Variants in MRPS25 observed in about 807,000 individuals in gnomAD.
MRPS25 encodes small ribosomal subunit protein mS25.
A neutral mutation model predicts 17.3 loss-of-function variants in MRPS25; 15 were observed. The observed-to-expected ratio is 0.87, with a 90% CI of 0.58 to 1.34. The LOEUF (loss-of-function observed/expected upper bound fraction) is 1.34, where lower values mean the gene tolerates loss of function less well. MRPS25 is among the 40% of genes most tolerant of loss of function. MRPS25 has a pLI of 0.00. For missense variants in MRPS25, 225 were observed against 218.6 expected, an observed-to-expected ratio of 1.03 and a Z score of -0.19; for synonymous variants, 94 against 83.3, an observed-to-expected ratio of 1.13 and a Z score of -0.70.
downstream of MRPS25, chr3:15,045,068 T>C (rs2042403483): frequency 6.6e-6 from 1 of 152,210 alleles, no homozygotes; most frequent in African/African-American, 2.4e-5. Context: ...AGTTTCAAAA[T>C]TAAGACAAAA....
chr3:15,065,226 G>A lies in MRPS25; in HGVS notation c.-32C>T. Reference sequence around the variant, plus strand: ...AACGGTGGCGGGGCCGACCCCACGGGCCGCGAGCCGAGCAGCGACGAGAAA... The same window carrying A: ...AACGGTGGCGGGGCCGACCCCACGGACCGCGAGCCGAGCAGCGACGAGAAA... On this transcript the variant is annotated 5_prime_UTR_variant, in exon 1 of 4. Transcript: ENST00000253686. 1 of 1,554,644 alleles carries A rather than the reference G, an allele frequency of 6.4e-7. No homozygotes were observed. Among genetic ancestry groups the A allele is most frequent in the Admixed American group, 1.9e-5 (1 of 51,992 alleles).
At chr3:15,057,263 C>T (rs910670103) in intron 2 of MRPS25, among the ~76,000 whole-genome samples, 14 of 152,338 alleles carry the variant, frequency 9.2e-5, no homozygotes, top group African/African-American at 3.4e-4. Flanking sequence ...CCCAGAGCTG[C>T]GTCGTCCTCA....
chr3:15,042,766 A>G (rs1012896345), downstream of MRPS25: 2 of 1,455,410 alleles, frequency 1.4e-6, no homozygotes, highest in African/African-American at 2.8e-5. Flanking sequence ...GGACCCCAGG[A>G]GCCTTTGCTG....
In MRPS25 at chr3:15,052,652, G is replaced by C; in HGVS notation, c.330-19C>G. Reference sequence around the variant, plus strand: ...GGTTTCCCTGCCAAAGAGCACAGACGGCAACCAAGCATTGGCAACTTTGAG... The same window carrying C: ...GGTTTCCCTGCCAAAGAGCACAGACCGCAACCAAGCATTGGCAACTTTGAG... On this transcript the variant is annotated intron_variant, in intron 3 of 3. Transcript: ENST00000253686. The C allele has an allele frequency of 6.2e-7, 1 of 1,608,270 alleles. No homozygotes were observed. Among genetic ancestry groups the C allele is most frequent in the Non-Finnish European group, 8.5e-7 (1 of 1,176,416 alleles).
chr3:15,043,139 T>G, downstream of MRPS25: 1 of 788,548 alleles, frequency 1.3e-6, no homozygotes, highest in East Asian at 3.0e-5. Context: ...TTTCTCCTTA[T>G]CTGTTAATCC....
intron 1 of MRPS25, among the ~76,000 whole-genome samples, chr3:15,064,228 C>CA (rs2042822137): frequency 6.6e-6 from 1 of 152,154 alleles, no homozygotes; most frequent in African/African-American, 2.4e-5. Flanking sequence ...GCCTAGCACT[C>CA]AGAGTGTACT....
rs2125140871 is a variant in MRPS25 at position 15,065,206 on chromosome 3, T to C, written c.-12A>G. ...CCCTTCATGGGCATGGCGGCAACGG[T>C]GGCGGGGCCGACCCCACGGGCCGCG... On this transcript the variant is annotated 5_prime_UTR_variant, in exon 1 of 4. Coordinates refer to ENST00000253686, the MANE Select transcript of MRPS25 (RefSeq NM_022497.5). 1 of 1,580,072 alleles carries C rather than the reference T, an allele frequency of 6.3e-7. No individual in the cohort carries two copies. The highest frequency in any genetic ancestry group is 2.3e-5 in the East Asian group (1 of 42,624).
chr3:15,054,866 G>A (rs771513905), intron 2 of MRPS25, among the ~76,000 whole-genome samples: 5 of 151,996 alleles, frequency 3.3e-5, no homozygotes, highest in Non-Finnish European at 5.9e-5. Flanking sequence ...TAATAAAATG[G>A]GCAAAATATC....
At chr3:15,060,142 G>A (rs1256315472) in intron 1 of MRPS25, among the ~76,000 whole-genome samples, 1 of 152,082 alleles carries the variant, frequency 6.6e-6, no homozygotes, top group Non-Finnish European at 1.5e-5. Context: ...GAGGTTTGGG[G>A]GGTGAGAAGT....
At chr3:15,061,552 A>G (rs1218414503) in intron 1 of MRPS25, among the ~76,000 whole-genome samples, 1 of 152,134 alleles carries the variant, frequency 6.6e-6, no homozygotes, top group Non-Finnish European at 1.5e-5. Context: ...CAGTGGCATG[A>G]TCTCGGCTCG....
At position 15,050,776 on chromosome 3, in the gene MRPS25, AC is replaced by A. The variant is rs1395585095; in HGVS notation, c.*1664del. 148 of 983,642 alleles carry A rather than the reference AC, an allele frequency of 1.5e-4. No individual in the cohort carries two copies. The highest frequency in any genetic ancestry group is 1.4e-4 in the Non-Finnish European group (114 of 829,104). 60.9% of individuals were successfully genotyped at this position (983,642 alleles called of 1,614,324 possible). A position where few individuals can be genotyped will look rare whatever the true frequency, so the allele number is the denominator to read the frequency against. Reference sequence around the variant, plus strand: ...CAGTCTCTGCCCACCTTCCCCTCCCACCCCCGACAAGCCATCACCCCAAACC... The same window carrying A: ...CAGTCTCTGCCCACCTTCCCCTCCCACCCCGACAAGCCATCACCCCAAACC... On this transcript the variant is annotated 3_prime_UTR_variant, in exon 4 of 4. Coordinates refer to ENST00000253686, the MANE Select transcript of MRPS25 (RefSeq NM_022497.5).
downstream of MRPS25, chr3:15,048,314 C>G (rs1449780726): frequency 2.0e-5 from 3 of 152,572 alleles, no homozygotes; most frequent in Non-Finnish European, 4.4e-5. Context: ...AAGTGGCTTT[C>G]TAGTTAAAAT....
At chr3:15,053,517 T>C in intron 2 of MRPS25, 50 bp from the exon 3 acceptor site, 1 of 1,611,122 alleles carries the variant, frequency 6.2e-7, no homozygotes, top group Non-Finnish European at 8.5e-7. Flanking sequence ...CACAGCGCAC[T>C]CAGCCTCAAA....
downstream of MRPS25, chr3:15,043,058 CACAT>C (rs568594021): frequency 1.7e-4 from 265 of 1,523,348 alleles, no homozygotes; most frequent in Non-Finnish European, 2.2e-4. Flanking sequence ...CAGGACCGTT[CACAT>C]ACAAAGAAAA....
downstream of MRPS25, chr3:15,046,489 C>T (rs2042455867): frequency 6.6e-6 from 1 of 152,258 alleles, no homozygotes; most frequent in Admixed American, 6.5e-5. Flanking sequence ...CTTTTACTTT[C>T]ATAGTCCTTT....
At chr3:15,060,438 G>A (rs1056408139) in intron 1 of MRPS25, among the ~76,000 whole-genome samples, 16 of 150,832 alleles carry the variant, frequency 1.1e-4, no homozygotes, top group Middle Eastern at 3.2e-3. Context: ...GCTTAAGCCC[G>A]GGAGTTTGAG....
chr3:15,055,726 T>TA (rs1285676779), intron 2 of MRPS25, among the ~76,000 whole-genome samples: 2 of 151,120 alleles, frequency 1.3e-5, no homozygotes, highest in Admixed American at 1.3e-4. Context: ...CTCCGTCTTT[T>TA]AAAAAAAAAT....
chr3:15,053,314 C>A (rs1438464705), intron 3 of MRPS25, 66 bp downstream of exon 3: 1 of 1,609,672 alleles, frequency 6.2e-7, no homozygotes, highest in East Asian at 2.2e-5. Flanking sequence ...TCCCACACAC[C>A]CCTTTCTTCC....
chr3:15,052,705 G>T, intron 3 of MRPS25, 72 bp from the exon 4 acceptor site: 3 of 1,491,724 alleles, frequency 2.0e-6, no homozygotes, highest in Non-Finnish European at 2.8e-6. Flanking sequence ...TTTCTCAGCC[G>T]AGACAACCCC....
Sources: allele counts gnomAD v4.1 joint callset (sites outside exome capture counted in the v4.1 genomes callset), GRCh38; gene constraint gnomAD v4.1.1; transcripts MANE v1.5; gene names NCBI Gene and HGNC (gene_info 2026-07-23, HGNC 2026-07-21).